The following COMMD10 variants were observed in gnomAD, a reference collection of about 807,000 sequenced individuals.
COMMD10 encodes COMM domain-containing protein 10.
In COMMD10, 33 loss-of-function variants were observed where a neutral mutation model predicts 28.9. The ratio of observed to expected loss-of-function variants is 1.14; its 90% CI spans 0.87 to 1.53. The LOEUF is 1.53. Among genes scored for constraint, COMMD10 ranks in the 40% most tolerant of loss-of-function variants. The pLI, the probability that COMMD10 is intolerant of heterozygous loss-of-function variation, is 0.00. For synonymous variants in COMMD10, 110 were observed against 81.7 expected (o/e 1.35, Z -1.87); for missense variants, 310 against 233.4 (o/e 1.33, Z -2.14).
At chr5:116,169,479 A>G (rs550452825) in intron 5 of COMMD10, among the ~76,000 whole-genome samples, 3 of 152,322 alleles carry the variant, frequency 2.0e-5, no homozygotes, top group Admixed American at 1.3e-4. Flanking sequence ...ACTCCTCCCT[A>G]ATTCATTTAA....
Position 116,108,808 on chromosome 5 carries a change from C to G in COMMD10, c.399+16108C>G, listed in dbSNP as rs564513104. On this transcript the variant is annotated intron_variant, in intron 4 of 6. Coordinates refer to ENST00000274458, the MANE Select transcript of COMMD10 (RefSeq NM_016144.4). ...GGCCACCCAGTTTTATGCTTGAAAC[C>G]CAGGGCCTAGGTGGCATAGGCACCC... 3.3e-5 allele frequency among the ~76,000 whole-genome samples: 5 copies of G among 152,238 alleles called. No homozygotes were observed. The East Asian group carries it at 7.7e-4, about 24-fold the overall frequency.
intron 5 of COMMD10, among the ~76,000 whole-genome samples, chr5:116,249,594 A>G (rs563958554): frequency 6.6e-6 from 1 of 151,994 alleles, no homozygotes; most frequent in Non-Finnish European, 1.5e-5. Context: ...ATTCACATCT[A>G]CACCTTATGG....
At chr5:116,129,842 G>A (rs1751809624) in intron 4 of COMMD10, among the ~76,000 whole-genome samples, 1 of 145,344 alleles carries the variant, frequency 6.9e-6, no homozygotes, top group African/African-American at 2.5e-5. Context: ...TATATACTGT[G>A]CTATGTAGTA....
At chr5:116,106,629 G>A (rs1404616827) in intron 4 of COMMD10, among the ~76,000 whole-genome samples, 2 of 152,118 alleles carry the variant, frequency 1.3e-5, no homozygotes, top group African/African-American at 2.4e-5. Flanking sequence ...AAGTCTCTTT[G>A]TAGGTCTCTA....
intron 5 of COMMD10, among the ~76,000 whole-genome samples, chr5:116,259,757 C>T (rs1381993094): frequency 1.3e-5 from 2 of 151,690 alleles, no homozygotes; most frequent in African/African-American, 2.4e-5. Flanking sequence ...ACCTGGGTTT[C>T]GGACTACATT....
chr5:116,140,235 G>T (rs904098265), intron 5 of COMMD10, among the ~76,000 whole-genome samples: 4 of 150,938 alleles, frequency 2.7e-5, no homozygotes, highest in Non-Finnish European at 5.9e-5. Context: ...ACTACTATGT[G>T]TGTGTGTGTG....
chr5:116,166,003 G>T (rs1113805), intron 5 of COMMD10, among the ~76,000 whole-genome samples: 1 of 152,088 alleles, frequency 6.6e-6, no homozygotes, highest in Non-Finnish European at 1.5e-5. Context: ...AGGTGGGTCA[G>T]CTATGGTGGC....
chr5:116,203,492 A>G (rs1256050712), intron 5 of COMMD10, among the ~76,000 whole-genome samples: 2 of 152,134 alleles, frequency 1.3e-5, no homozygotes, highest in Non-Finnish European at 2.9e-5. Flanking sequence ...GCCAGAGAGA[A>G]AGGTCGGGTT....
At chr5:116,249,055 T>C (rs967033715) in intron 5 of COMMD10, among the ~76,000 whole-genome samples, 1 of 151,976 alleles carries the variant, frequency 6.6e-6, no homozygotes, top group Non-Finnish European at 1.5e-5. Context: ...TTATTGTTTT[T>C]AGTGAAAGAA....
At chr5:116,096,889 T>A (rs1286747596) in intron 4 of COMMD10, among the ~76,000 whole-genome samples, 1 of 152,132 alleles carries the variant, frequency 6.6e-6, no homozygotes, top group East Asian at 1.9e-4. Context: ...ATTCTTTTTT[T>A]AAGCCATTTT....
At chr5:116,129,259 T>G (rs987847308) in intron 4 of COMMD10, among the ~76,000 whole-genome samples, 34 of 150,744 alleles carry the variant, frequency 2.3e-4, no homozygotes, top group African/African-American at 7.3e-4. Flanking sequence ...TGTTTTACGT[T>G]TTTAATCTGT....
chr5:116,241,592 T>G (rs972865142), intron 5 of COMMD10, among the ~76,000 whole-genome samples: 55 of 126,978 alleles, frequency 4.3e-4, no homozygotes, highest in African/African-American at 1.6e-3. Flanking sequence ...TCTTATTTAT[T>G]TATTTATTTA....
At chr5:116,288,569 C>T (rs1281971076) in intron 5 of COMMD10, among the ~76,000 whole-genome samples, 1 of 151,676 alleles carries the variant, frequency 6.6e-6, no homozygotes, top group African/African-American at 2.4e-5. Flanking sequence ...CTGGAATACC[C>T]ATCATGCATA....
At position 116,292,862 on chromosome 5, in the gene COMMD10, T is replaced by G. The variant is rs991652473; in HGVS notation, c.*373T>G. ...GTCCATGGATACAAGATAAGATGTGTACCTTAGTAGAATACAGAGCTTTGG... is the reference window on the plus strand; with the variant it reads ...GTCCATGGATACAAGATAAGATGTGGACCTTAGTAGAATACAGAGCTTTGG... On this transcript the variant is annotated 3_prime_UTR_variant, in exon 7 of 7. Transcript: ENST00000274458. 7.6e-6 allele frequency: 3 copies of G among 394,694 alleles called. No homozygotes were observed. The highest frequency in any genetic ancestry group is 1.3e-5 in the Non-Finnish European group (3 of 224,028). 24.4% of individuals were successfully genotyped at this position (394,694 alleles called of 1,614,324 possible).
intron 5 of COMMD10, among the ~76,000 whole-genome samples, chr5:116,210,073 A>G (rs1001290708): frequency 2.0e-5 from 3 of 152,074 alleles, no homozygotes; most frequent in Admixed American, 2.0e-4. Flanking sequence ...CAGAGAAAAA[A>G]TCGGGGCCAA....
At chr5:116,100,512 C>T (rs1447459627) in intron 4 of COMMD10, among the ~76,000 whole-genome samples, 1 of 146,794 alleles carries the variant, frequency 6.8e-6, no homozygotes, top group Admixed American at 6.8e-5. Flanking sequence ...GATAAAGGTC[C>T]AGTTCCTTTT....
chr5:116,278,402 A>G (rs1195910377), intron 5 of COMMD10, among the ~76,000 whole-genome samples: 1 of 151,814 alleles, frequency 6.6e-6, no homozygotes. Flanking sequence ...AATACTATAC[A>G]AGGTGTGTTT....
intron 5 of COMMD10, among the ~76,000 whole-genome samples, chr5:116,215,695 AATATATATATATATATAT>A (rs58135204): frequency 0.1 from 13,579 of 133,830 alleles, 1,290 homozygotes; most frequent in African/African-American, 0.25. Flanking sequence ...TAAAAAAAGA[AATATATATATATATATAT>A]ATATATATAT....
intron 4 of COMMD10, among the ~76,000 whole-genome samples, chr5:116,122,307 T>C (rs1199712464): frequency 1.3e-5 from 2 of 152,222 alleles, no homozygotes; most frequent in African/African-American, 4.8e-5. Context: ...TGTGGTGTTA[T>C]TTCTGAGGCC....
Sources: gnomAD v4.1 joint callset for allele counts (sites outside exome capture counted in the v4.1 genomes callset) on GRCh38, gnomAD v4.1.1 for gene constraint, MANE v1.5 for transcripts, NCBI Gene and HGNC (gene_info 2026-07-23, HGNC 2026-07-21) for gene names.